Variants in NLRP3 observed in about 807,000 individuals in gnomAD.
The protein encoded by NLRP3 is NACHT, LRR and PYD domains-containing protein 3.
Under a neutral mutation model 91.3 loss-of-function variants are expected in NLRP3, and 48 were observed. That is an observed-to-expected ratio of 0.53 (90% confidence interval 0.42 to 0.67). NLRP3 has a LOEUF of 0.67. Among genes scored for constraint, NLRP3 ranks in the 30% least tolerant of loss-of-function variants. NLRP3 has a pLI of 0.00. For missense variants in NLRP3, 982 were observed against 1,276.9 expected (o/e 0.77, Z 3.52); for synonymous variants, 561 against 507.9 (o/e 1.10, Z -1.41).
Position 247,448,438 on chromosome 1 carries a change from A to C in NLRP3, c.3039A>C (p.Lys1013Asn). Residue 1013 changes from lysine (K) to asparagine (N), a missense_variant, in exon 10 of 10, where the codon AAA becomes AAC. By Grantham distance (94) the Lys-to-Asn change is moderately conservative. Coordinates refer to ENST00000336119, the MANE Select transcript of NLRP3 (RefSeq NM_001243133.2). Reference sequence around the variant, plus strand: ...AAATGTATTTCAATTATGAGACAAAAAGTGCGTTAGAAACACTTCAAGAAG... The same window carrying C: ...AAATGTATTTCAATTATGAGACAAACAGTGCGTTAGAAACACTTCAAGAAG... ...LSEMYFNYET[K>N]SALETLQEEK... 1 of 1,613,234 alleles carries C rather than the reference A, an allele frequency of 6.2e-7. No individual in the cohort carries two copies. Among genetic ancestry groups the C allele is most frequent in the Non-Finnish European group, 8.5e-7 (1 of 1,179,236 alleles).
In NLRP3 at chr1:247,434,004, C is replaced by T. The variant is rs10925020; in HGVS notation, c.2322-99C>T. Reference sequence around the variant, plus strand: ...ATGTGTTCTGATGCTTTCTCTATTCCGGAGCTTCCTGATCAGGTGTGTCCT... The same window carrying T: ...ATGTGTTCTGATGCTTTCTCTATTCTGGAGCTTCCTGATCAGGTGTGTCCT... On this transcript the variant is annotated intron_variant, in intron 5 of 9. Coordinates refer to ENST00000336119, the MANE Select transcript of NLRP3 (RefSeq NM_001243133.2). The T allele has an allele frequency of 0.02, 14,274 of 715,948 alleles. 1,319 individuals carry two copies. The highest frequency in any genetic ancestry group is 0.067 in the Admixed American group (2,848 of 42,396). 44.3% of individuals were successfully genotyped at this position (715,948 alleles called of 1,614,324 possible). A position where few individuals can be genotyped will look rare whatever the true frequency, so the allele number is the denominator to read the frequency against.
At chr1:247,444,970 T>C (rs1664497811) in intron 9 of NLRP3, 149 bp downstream of exon 9, 2 of 747,124 alleles carry the variant, frequency 2.7e-6, no homozygotes, top group Non-Finnish European at 4.5e-6. Flanking sequence ...TATTTTAAAA[T>C]AGAGAATATG....
rs180177461 is a variant in NLRP3 at position 247,425,118 on chromosome 1, A to G, written c.1669A>G (p.Thr557Ala). The change falls in exon 4 of 10, where the codon ACA becomes GCA. Residue 557 changes from threonine (T) to alanine (A), a missense_variant. Thr to Ala is a moderately conservative substitution (Grantham distance 58). Coordinates refer to ENST00000336119, the MANE Select transcript of NLRP3 (RefSeq NM_001243133.2). This position sits in a 1 kb window ranked among gnomAD's most constrained non-coding sequence, Gnocchi z 4.1. ...SRLKLPSRDVTVLLENYGKFE... is the reference protein window; with the variant it reads ...SRLKLPSRDVAVLLENYGKFE... ...TTTGAAGCTTCCCAGCCGAGACGTG[A>G]CAGTCCTTCTGGAAAACTATGGCAA... is the stretch of plus-strand genomic sequence containing the variant. 4 of 1,614,186 alleles carry G rather than the reference A, an allele frequency of 2.5e-6. No homozygotes were observed. Among genetic ancestry groups the G allele is most frequent in the Non-Finnish European group, 1.7e-6 (2 of 1,180,032 alleles).
At position 247,444,828 on chromosome 1, in the gene NLRP3, G is replaced by A. The variant is rs200659209; in HGVS notation, c.3005+7G>A. 124 of 1,613,422 alleles carry A rather than the reference G, an allele frequency of 7.7e-5. No homozygotes were observed. Among genetic ancestry groups the A allele is most frequent in the Non-Finnish European group, 1.0e-4 (120 of 1,179,930 alleles). The stretch of plus-strand genomic sequence containing the variant: ...GCCTCCTGCAGAACCTGGGGTGAGT[G>A]TGCTCTGCAGAGATGCCCGTGGTGG... On this transcript the variant is annotated splice_region_variant and intron_variant, in intron 9 of 9. Transcript: ENST00000336119.
rs745564372 is a variant in NLRP3, at chr1:247,425,263, A to T, written c.1814A>T (p.Glu605Val). 9.3e-6 allele frequency: 15 copies of T among 1,614,202 alleles called. No homozygotes were observed. In the Admixed American group the frequency reaches 1.5e-4, roughly 16 times the overall value. The change falls in exon 4 of 10, where the codon GAG (glutamate) becomes GTG (valine). Residue 605 changes from glutamate (E) to valine (V), a missense_variant. Physicochemically the swap from Glu to Val is moderately radical, Grantham distance 121. Coordinates refer to ENST00000336119, the MANE Select transcript of NLRP3 (RefSeq NM_001243133.2). This position sits in a 1 kb window ranked among gnomAD's most constrained non-coding sequence, Gnocchi z 4.1. ...AAGATCTCTCAGCAAATCAGGCTGG[A>T]GCTGCTGAAATGGATTGAAGTGAAA... ...SCKISQQIRL[E>V]LLKWIEVKAK...
chr1:247,445,861 C>G (rs1664554511), intron 9 of NLRP3, among the ~76,000 whole-genome samples: 1 of 152,156 alleles, frequency 6.6e-6, no homozygotes. Flanking sequence ...CTTCCCTACA[C>G]TTTCTCCCTC....
chr1:247,440,010 T>C (rs1664091313), intron 7 of NLRP3, among the ~76,000 whole-genome samples: 1 of 152,266 alleles, frequency 6.6e-6, no homozygotes, highest in African/African-American at 2.4e-5. Flanking sequence ...GGTACAGCCA[T>C]ACATGTGGCT....
At chr1:247,421,003 C>T (rs1662420193) in intron 2 of NLRP3, among the ~76,000 whole-genome samples, 1 of 152,204 alleles carries the variant, frequency 6.6e-6, no homozygotes, top group South Asian at 2.1e-4. Context: ...TCCTATGGCC[C>T]AGAGGGCAGC....
At chr1:247,427,809 T>G (rs1185834499) in intron 4 of NLRP3, among the ~76,000 whole-genome samples, 4 of 47,766 alleles carry the variant, frequency 8.4e-5, no homozygotes, top group African/African-American at 1.6e-4. Context: ...GATAGCACCT[T>G]CCTTCCTCTG....
At position 247,436,152 on chromosome 1, in the gene NLRP3, T is replaced by C. The variant is rs201467946; in HGVS notation, c.2663+12T>C. On this transcript the variant is annotated intron_variant, in intron 7 of 9. Coordinates refer to ENST00000336119, the MANE Select transcript of NLRP3 (RefSeq NM_001243133.2). The stretch of plus-strand genomic sequence containing the variant: ...CTGCAGAAACTGGGGTAAGTCTTCA[T>C]GGGTGTCTTACCAGAAAAGTAACTT... 1.2e-5 allele frequency: 20 copies of C among 1,613,646 alleles called. No individual in the cohort carries two copies. Among genetic ancestry groups the C allele is most frequent in the Middle Eastern group, 1.6e-4 (1 of 6,084 alleles).
intron 7 of NLRP3, among the ~76,000 whole-genome samples, chr1:247,439,216 T>C (rs1229239477): frequency 6.6e-6 from 1 of 152,230 alleles, no homozygotes; most frequent in African/African-American, 2.4e-5. Context: ...AATACATTGT[T>C]ATGTAGTATT....
chr1:247,446,976 G>A (rs1664623649), intron 9 of NLRP3, among the ~76,000 whole-genome samples: 1 of 152,172 alleles, frequency 6.6e-6, no homozygotes, highest in Admixed American at 6.5e-5. Context: ...GATTGGTCAG[G>A]TCAAAGCTGG....
chr1:247,417,336 T>C (rs942375269), intron 1 of NLRP3, among the ~76,000 whole-genome samples: 1 of 152,212 alleles, frequency 6.6e-6, no homozygotes, highest in Non-Finnish European at 1.5e-5. Flanking sequence ...GTGCACCTCA[T>C]AGAGCTCTGT....
intron 2 of NLRP3, among the ~76,000 whole-genome samples, chr1:247,422,752 A>G (rs1051295667): frequency 6.6e-6 from 1 of 152,224 alleles, no homozygotes; most frequent in Non-Finnish European, 1.5e-5. Flanking sequence ...TCACTCTTGA[A>G]GAACCAGACA....
intron 7 of NLRP3, among the ~76,000 whole-genome samples, chr1:247,440,369 C>T (rs1215192861): frequency 8.5e-5 from 13 of 152,224 alleles, no homozygotes; most frequent in African/African-American, 2.4e-4. Context: ...AAACGGGGGA[C>T]GGTCCTAAAT....
chr1:247,424,255 G>T lies in NLRP3; in HGVS notation c.806G>T (p.Ser269Ile). The T allele has an allele frequency of 6.2e-7, 1 of 1,614,134 alleles. No homozygotes were observed. Among genetic ancestry groups the T allele is most frequent in the Non-Finnish European group, 8.5e-7 (1 of 1,180,020 alleles). The change falls in exon 4 of 10, where the codon AGC (serine) becomes ATC (isoleucine). Residue 269 changes from serine (S) to isoleucine (I), a missense_variant. Coordinates refer to ENST00000336119, the MANE Select transcript of NLRP3 (RefSeq NM_001243133.2). The surrounding 1 kb of genome is among the most constrained non-coding windows in gnomAD (Gnocchi z 8.1). ...GAGGTGAGCCTTGTGACACAGAGGA[G>T]CCTGGGGGACCTGATCATGAGCTGC... Reference protein sequence around the residue: ...CREVSLVTQRSLGDLIMSCCP... With the variant: ...CREVSLVTQRILGDLIMSCCP...
chr1:247,423,791 C>G (rs180177455), intron 3 of NLRP3, 56 bp from the exon 4 acceptor site: 4 of 1,462,370 alleles, frequency 2.7e-6, no homozygotes, highest in Non-Finnish European at 3.8e-6. Context: ...CAGCTGAGAG[C>G]GCATCTCAGG....
In NLRP3 at chr1:247,425,958, A is replaced by G. The variant is rs1363459031; in HGVS notation, c.2150+359A>G. Among the ~76,000 whole-genome samples the G allele has an allele frequency of 6.6e-6, 1 of 152,200 alleles. No homozygotes were observed. Among genetic ancestry groups the G allele is most frequent in the Non-Finnish European group, 1.5e-5 (1 of 68,042 alleles). On this transcript the variant is annotated intron_variant, in intron 4 of 9. Transcript: ENST00000336119. This position sits in a 1 kb window ranked among gnomAD's most constrained non-coding sequence, Gnocchi z 4.1. ...CAGTCAATGTCTGTGGGGCAGAACA[A>G]TGCCAGAGAGTCTGTGTCCCAGGAG...
intron 6 of NLRP3, among the ~76,000 whole-genome samples, chr1:247,434,716 C>T (rs1442315043): frequency 6.6e-6 from 1 of 152,080 alleles, no homozygotes; most frequent in Non-Finnish European, 1.5e-5. Flanking sequence ...GAAAAAACCA[C>T]TTAAAAATGG....
Sources: gnomAD v4.1 joint callset for allele counts (sites outside exome capture counted in the v4.1 genomes callset) on GRCh38, gnomAD v4.1.1 for gene constraint, Gnocchi (gnomAD v3.1) non-coding constraint, MANE v1.5 for transcripts, NCBI Gene and HGNC (gene_info 2026-07-23, HGNC 2026-07-21) for gene names.